Variants in PPP1R12B observed in about 807,000 individuals in gnomAD.
PPP1R12B encodes the protein protein phosphatase 1 regulatory subunit 12B.
Under a neutral mutation model 126.1 loss-of-function variants are expected in PPP1R12B, and 76 were observed. The ratio of observed to expected loss-of-function variants is 0.60; its 90% confidence interval spans 0.50 to 0.73. The LOEUF (loss-of-function observed/expected upper bound fraction) is 0.73. Ranked by LOEUF, PPP1R12B falls within the 30% of genes least tolerant of loss-of-function variation. PPP1R12B has a pLI of 0.00. For synonymous variants in PPP1R12B, 356 were observed against 434.7 expected (o/e 0.82, Z 2.25); for missense variants, 1,052 against 1,205.1 (o/e 0.87, Z 1.88).
chr1:202,472,755 A>G (rs1296378493), intron 13 of PPP1R12B, among the ~76,000 whole-genome samples: 10 of 152,360 alleles, frequency 6.6e-5, no homozygotes, highest in African/African-American at 2.4e-4. Flanking sequence ...CTTAGTGTCT[A>G]GAGCAGGGAT....
rs771806884 is a variant in PPP1R12B, at chr1:202,419,744, C to T, written c.422+2827C>T. ...AAAAAGCAAGTGTCAGATGTCATGG[C>T]GATGATAGTAATGAGGAAGACCCAG... On this transcript the variant is annotated intron_variant, in intron 2 of 23. Transcript: ENST00000608999. The surrounding 1 kb of genome is among the most constrained non-coding windows in gnomAD (Gnocchi z 4.6). Among the ~76,000 whole-genome samples the T allele has an allele frequency of 3.3e-5, 5 of 151,950 alleles. No individual in the cohort carries two copies. The highest frequency in any genetic ancestry group is 7.3e-5 in the African/African-American group (3 of 41,366).
At chr1:202,468,358 G>A (rs1482440063) in intron 13 of PPP1R12B, among the ~76,000 whole-genome samples, 2 of 152,112 alleles carry the variant, frequency 1.3e-5, no homozygotes, top group Admixed American at 6.5e-5. Flanking sequence ...ATGGTTTTAG[G>A]TCTAACATTT....
At chr1:202,471,417 G>A (rs572943689) in intron 13 of PPP1R12B, among the ~76,000 whole-genome samples, 1 of 150,812 alleles carries the variant, frequency 6.6e-6, no homozygotes, top group Non-Finnish European at 1.5e-5. Context: ...TTACACAAAC[G>A]TGCAAGAGTT....
At chr1:202,428,730 G>A in intron 5 of PPP1R12B, 125 bp from the exon 6 acceptor site, 1 of 760,776 alleles carries the variant, frequency 1.3e-6, no homozygotes, top group Non-Finnish European at 2.2e-6. Context: ...TGGTAGATTA[G>A]TTTGAAAAGC....
intron 2 of PPP1R12B, 55 bp downstream of exon 2, chr1:202,416,972 T>A: frequency 6.6e-7 from 1 of 1,524,594 alleles, no homozygotes. Flanking sequence ...TAGCCTTCAT[T>A]TCTCCTCTAT....
intron 23 of PPP1R12B, among the ~76,000 whole-genome samples, chr1:202,578,450 T>C (rs751278579): frequency 6.6e-6 from 1 of 152,178 alleles, no homozygotes; most frequent in African/African-American, 2.4e-5. Flanking sequence ...AAAAATCTCA[T>C]TGAAATGAGT....
chr1:202,532,331 G>A (rs1425162819), intron 18 of PPP1R12B, among the ~76,000 whole-genome samples: 1 of 152,172 alleles, frequency 6.6e-6, no homozygotes, highest in Non-Finnish European at 1.5e-5. Flanking sequence ...CAAGGTCTTT[G>A]TGACCTGTAT....
At chr1:202,564,996 A>G (rs1389814718) in intron 21 of PPP1R12B, among the ~76,000 whole-genome samples, 2 of 152,254 alleles carry the variant, frequency 1.3e-5, no homozygotes, top group Non-Finnish European at 2.9e-5. Flanking sequence ...TGCTTAGGCC[A>G]TATAACAAAT....
intron 1 of PPP1R12B, among the ~76,000 whole-genome samples, chr1:202,398,683 G>A (rs1033762739): frequency 1.3e-5 from 2 of 152,132 alleles, no homozygotes; most frequent in Admixed American, 6.5e-5. Context: ...AGCTTGCCTG[G>A]CAGAAGTCTA....
At chr1:202,362,190 AT>A (rs1440012185) in intron 1 of PPP1R12B, among the ~76,000 whole-genome samples, 1 of 151,576 alleles carries the variant, frequency 6.6e-6, no homozygotes, top group African/African-American at 2.4e-5. Flanking sequence ...GCCAAAACAG[AT>A]TGTGTTTGGG....
rs1393412124 is a variant in PPP1R12B, at chr1:202,508,993, T to C, written c.2490+12171T>C. Among the ~76,000 whole-genome samples, 2 of 152,212 alleles carry C rather than the reference T, an allele frequency of 1.3e-5. No homozygotes were observed. The highest frequency in any genetic ancestry group is 2.9e-5 in the Non-Finnish European group (2 of 68,042). ...GTAATGGGAAAGCAGCCACAGACAA[T>C]ATGTAACTAAATGGGAGTGACTATG... On this transcript the variant is annotated intron_variant, in intron 18 of 23. Coordinates refer to ENST00000608999, the MANE Select transcript of PPP1R12B (RefSeq NM_002481.4). The surrounding 1 kb of genome is among the most constrained non-coding windows in gnomAD (Gnocchi z 4.5).
intron 18 of PPP1R12B, among the ~76,000 whole-genome samples, chr1:202,548,210 A>G (rs1685852596): frequency 6.6e-6 from 1 of 152,232 alleles, no homozygotes; most frequent in African/African-American, 2.4e-5. Flanking sequence ...TCTTCTTTAA[A>G]TAGCTCCTAG....
Position 202,567,786 on chromosome 1 carries a change from A to T in PPP1R12B, c.2766A>T (p.Gln922His). Residue 922 changes from glutamine (Q) to histidine (H), a missense_variant, in exon 22 of 24, where the codon CAA (glutamine) becomes CAT (histidine). Gln to His is a conservative substitution (Grantham distance 24). Coordinates refer to ENST00000608999, the MANE Select transcript of PPP1R12B (RefSeq NM_002481.4). ...CCTTCCATTTGCACCAGCAGAAACA[A>T]GAAAAGACCTCTGACCGATCATCAG... ...SKLEKVAQQKQEKTSDRSSVL... is the reference protein window; with the variant it reads ...SKLEKVAQQKHEKTSDRSSVL... The T allele has an allele frequency of 6.2e-7, 1 of 1,614,096 alleles. No individual in the cohort carries two copies. The highest frequency in any genetic ancestry group is 1.1e-5 in the South Asian group (1 of 91,084).
chr1:202,494,113 G>T (rs1679227167), intron 15 of PPP1R12B, among the ~76,000 whole-genome samples: 1 of 152,174 alleles, frequency 6.6e-6, no homozygotes, highest in Admixed American at 6.5e-5. Flanking sequence ...AAATGTTATG[G>T]TCACTGTGGT....
chr1:202,470,720 C>T (rs1460215492), intron 13 of PPP1R12B, among the ~76,000 whole-genome samples: 1 of 151,860 alleles, frequency 6.6e-6, no homozygotes, highest in Admixed American at 6.6e-5. Context: ...ATAGTGAGAC[C>T]TCATCTCTAC....
chr1:202,405,199 C>A (rs1315379188), intron 1 of PPP1R12B, among the ~76,000 whole-genome samples: 1 of 152,148 alleles, frequency 6.6e-6, no homozygotes, highest in East Asian at 1.9e-4. Flanking sequence ...GGACCCTCAG[C>A]AGCCCGTGAC....
At chr1:202,555,484 T>C (rs1189196614) in intron 18 of PPP1R12B, among the ~76,000 whole-genome samples, 1 of 134,904 alleles carries the variant, frequency 7.4e-6, no homozygotes, top group Non-Finnish European at 1.6e-5. Flanking sequence ...AAAAAAAAAA[T>C]TCAAGTGAGG....
chr1:202,470,877 G>A (rs1280325623), intron 13 of PPP1R12B, among the ~76,000 whole-genome samples: 2 of 150,252 alleles, frequency 1.3e-5, no homozygotes, highest in East Asian at 2.0e-4. Context: ...CTGTACTCCA[G>A]CCTGGGTGGC....
intron 18 of PPP1R12B, among the ~76,000 whole-genome samples, chr1:202,536,543 G>A (rs570752046): frequency 6.6e-6 from 1 of 152,102 alleles, no homozygotes; most frequent in African/African-American, 2.4e-5. Flanking sequence ...GGACATTACC[G>A]TACACTACTA....
Sources: allele counts gnomAD v4.1 joint callset (sites outside exome capture counted in the v4.1 genomes callset), GRCh38; gene constraint gnomAD v4.1.1; non-coding constraint Gnocchi (gnomAD v3.1); transcripts MANE v1.5; gene names NCBI Gene and HGNC (gene_info 2026-07-23, HGNC 2026-07-21).